Variants in DGKG observed in about 807,000 individuals in gnomAD.
The protein encoded by DGKG is diacylglycerol kinase gamma.
In DGKG, 78 loss-of-function variants were observed where a neutral mutation model predicts 105.3. That is an observed-to-expected ratio of 0.74 (90% confidence interval 0.62 to 0.89). The LOEUF is 0.89. Ranked by LOEUF, DGKG falls within the 40% of genes least tolerant of loss-of-function variation. The pLI is 0.00. For synonymous variants in DGKG, 346 were observed against 367.1 expected (o/e 0.94, Z 0.66); for missense variants, 958 against 1,020.1 (o/e 0.94, Z 0.83).
chr3:186,239,054 A>G (rs1328202470), intron 20 of DGKG, among the ~76,000 whole-genome samples: 1 of 152,206 alleles, frequency 6.6e-6, no homozygotes, highest in South Asian at 2.1e-4. Flanking sequence ...CCTTAGTACA[A>G]TTTCAAGGTG....
intron 21 of DGKG, among the ~76,000 whole-genome samples, chr3:186,208,348 A>G (rs1718853741): frequency 6.6e-6 from 1 of 151,938 alleles, no homozygotes; most frequent in African/African-American, 2.4e-5. Context: ...CGCCACGCGA[A>G]TGGCTTTTAA....
At chr3:186,346,802 A>T (rs150401008) in intron 1 of DGKG, among the ~76,000 whole-genome samples, 97 of 152,190 alleles carry the variant, frequency 6.4e-4, no homozygotes, top group African/African-American at 2.3e-3. Flanking sequence ...AGATTTTTTC[A>T]TTTCTTAAAT....
rs1258080661 is a variant in DGKG at position 186,203,137 on chromosome 3, G to GAC, written c.1917+8656_1917+8657dup. On this transcript the variant is annotated intron_variant, in intron 21 of 24. Coordinates refer to ENST00000265022, the MANE Select transcript of DGKG (RefSeq NM_001346.3). This position sits in a 1 kb window ranked among gnomAD's most constrained non-coding sequence, Gnocchi z 4.9. ...CAATGGAATTTTGTAAGGGAAAGTT[G>GAC]ACAGAAACAGTTTTTCTTTAGTAAG... Among the ~76,000 whole-genome samples the GAC allele has an allele frequency of 6.6e-6, 1 of 152,220 alleles. No individual in the cohort carries two copies. Among genetic ancestry groups the GAC allele is most frequent in the Non-Finnish European group, 1.5e-5 (1 of 68,052 alleles).
intron 1 of DGKG, among the ~76,000 whole-genome samples, chr3:186,333,568 T>C (rs1028963731): frequency 5.3e-5 from 8 of 152,250 alleles, no homozygotes; most frequent in Non-Finnish European, 8.8e-5. Flanking sequence ...GGATGTGTTT[T>C]TCATACTCCT....
chr3:186,240,965 T>C (rs993463127), intron 20 of DGKG, among the ~76,000 whole-genome samples: 1 of 152,130 alleles, frequency 6.6e-6, no homozygotes, highest in African/African-American at 2.4e-5. Flanking sequence ...GTGACTATAG[T>C]ATCAGGGGCT....
chr3:186,266,806 A>G (rs1191786132), intron 13 of DGKG, among the ~76,000 whole-genome samples: 1 of 152,110 alleles, frequency 6.6e-6, no homozygotes, highest in Non-Finnish European at 1.5e-5. Context: ...CCATGTGGCC[A>G]GGCTGATCTA....
intron 24 of DGKG, among the ~76,000 whole-genome samples, chr3:186,153,382 C>T (rs1469903942): frequency 3.9e-5 from 6 of 152,132 alleles, no homozygotes; most frequent in Non-Finnish European, 8.8e-5. Flanking sequence ...GTAGTTAGCA[C>T]CCAAGCTTCT....
At chr3:186,173,136 C>G (rs529140020) in intron 22 of DGKG, among the ~76,000 whole-genome samples, 1 of 152,292 alleles carries the variant, frequency 6.6e-6, no homozygotes, top group African/African-American at 2.4e-5. Context: ...TTAGGGCCCA[C>G]CCAAATAACC....
intron 2 of DGKG, among the ~76,000 whole-genome samples, chr3:186,310,289 A>G (rs926122558): frequency 0.014 from 1,884 of 136,340 alleles, 49 homozygotes; most frequent in African/African-American, 0.048. Context: ...AAAAAAAAAA[A>G]CCACACACAC....
chr3:186,286,540 T>C (rs994352931), intron 6 of DGKG, among the ~76,000 whole-genome samples: 7 of 152,216 alleles, frequency 4.6e-5, no homozygotes, highest in African/African-American at 1.7e-4. Flanking sequence ...ATAGAAGGTG[T>C]TTATCAATGA....
At chr3:186,225,149 C>T (rs1190193778) in intron 20 of DGKG, among the ~76,000 whole-genome samples, 1 of 151,510 alleles carries the variant, frequency 6.6e-6, no homozygotes, top group Non-Finnish European at 1.5e-5. Flanking sequence ...GGCTGGAGTG[C>T]AAGTGGTACG....
At chr3:186,192,154 G>T (rs1415279934) in intron 21 of DGKG, among the ~76,000 whole-genome samples, 1 of 152,128 alleles carries the variant, frequency 6.6e-6, no homozygotes, top group Non-Finnish European at 1.5e-5. Context: ...GATTACAGGT[G>T]CCTGTCACCA....
intron 2 of DGKG, among the ~76,000 whole-genome samples, chr3:186,316,962 T>C (rs987539315): frequency 6.6e-6 from 1 of 152,228 alleles, no homozygotes; most frequent in Non-Finnish European, 1.5e-5. Flanking sequence ...AAGAATTGTA[T>C]CTTTTTTTCC....
chr3:186,150,225 C>G (rs945383283), intron 24 of DGKG, 37 bp from the exon 25 acceptor site: 5 of 1,588,170 alleles, frequency 3.1e-6, no homozygotes, highest in Non-Finnish European at 4.3e-6. Context: ...TAGTGGCATG[C>G]AAATCTCAGT....
chr3:186,308,256 TC>T (rs1401893999), intron 2 of DGKG, among the ~76,000 whole-genome samples: 1 of 152,114 alleles, frequency 6.6e-6, no homozygotes, highest in Non-Finnish European at 1.5e-5. Context: ...GAATTGGGAA[TC>T]CAGAAAAGAG....
chr3:186,340,960 C>A (rs1469149979), intron 1 of DGKG, among the ~76,000 whole-genome samples: 1 of 152,190 alleles, frequency 6.6e-6, no homozygotes, highest in Non-Finnish European at 1.5e-5. Flanking sequence ...TAACTATCTT[C>A]TCACTCATTT....
At chr3:186,287,519 G>A (rs1723125899) in intron 6 of DGKG, among the ~76,000 whole-genome samples, 1 of 152,078 alleles carries the variant, frequency 6.6e-6, no homozygotes. Context: ...TTCTTTGCAT[G>A]GTCATTATAA....
chr3:186,287,962 C>T (rs1438456549), intron 6 of DGKG, among the ~76,000 whole-genome samples: 1 of 152,184 alleles, frequency 6.6e-6, no homozygotes, highest in Admixed American at 6.5e-5. Context: ...TTAACAAGGT[C>T]CTGTCATCTC....
At position 186,226,020 on chromosome 3, in the gene DGKG, G is replaced by A. The variant is rs1195993940; in HGVS notation, c.1827-14135C>T. On this transcript the variant is annotated intron_variant, in intron 20 of 24. Transcript: ENST00000265022. This position sits in a 1 kb window ranked among gnomAD's most constrained non-coding sequence, Gnocchi z 4.2. ...TCTACCTCTTCTGGGAAATAATATT[G>A]CAGTTGCTCTGTGTTTGGAAGTTAG... Among the ~76,000 whole-genome samples the A allele has an allele frequency of 6.6e-6, 1 of 152,160 alleles. No individual in the cohort carries two copies. Among genetic ancestry groups the A allele is most frequent in the Non-Finnish European group, 1.5e-5 (1 of 68,028 alleles).
Sources: allele counts gnomAD v4.1 joint callset (sites outside exome capture counted in the v4.1 genomes callset), GRCh38; gene constraint gnomAD v4.1.1; non-coding constraint Gnocchi (gnomAD v3.1); transcripts MANE v1.5; gene names NCBI Gene and HGNC (gene_info 2026-07-23, HGNC 2026-07-21).